CERS6: variants seen among roughly 807,000 people sequenced by gnomAD.
CERS6 encodes ceramide synthase 6.
CERS6 carries 26 observed loss-of-function variants against 56.8 expected under a neutral mutation model. That is an observed-to-expected ratio of 0.46 (90% CI 0.34 to 0.63). The LOEUF is 0.63. Among genes scored for constraint, CERS6 ranks in the 30% least tolerant of loss-of-function variants. The probability of loss-of-function intolerance (pLI) is 0.01; values close to 1 mark genes in which losing one functional copy is unlikely to be tolerated. For missense variants in CERS6, 415 were observed against 467.5 expected (o/e 0.89, Z 1.04); for synonymous variants, 164 against 173.3 (o/e 0.95, Z 0.42).
intron 8 of CERS6, among the ~76,000 whole-genome samples, chr2:168,755,874 G>A (rs1684402611): frequency 6.6e-6 from 1 of 152,224 alleles, no homozygotes. Flanking sequence ...AAACTTTGAA[G>A]CTAAAACAAT....
At chr2:168,610,354 A>G (rs1053061847) in intron 3 of CERS6, among the ~76,000 whole-genome samples, 1 of 152,136 alleles carries the variant, frequency 6.6e-6, no homozygotes, top group African/African-American at 2.4e-5. Context: ...AGCTTTGGAG[A>G]TTAGCTTGTC....
chr2:168,486,756 T>C (rs796871519), intron 1 of CERS6, among the ~76,000 whole-genome samples: 4 of 152,250 alleles, frequency 2.6e-5, no homozygotes, highest in African/African-American at 9.6e-5. Flanking sequence ...AGGTCAGTGC[T>C]TATACCCATG....
At chr2:168,606,869 GT>G (rs1684064724) in intron 3 of CERS6, among the ~76,000 whole-genome samples, 2 of 152,164 alleles carry the variant, frequency 1.3e-5, no homozygotes, top group African/African-American at 4.8e-5. Flanking sequence ...TTAAAAGTGT[GT>G]GGCACCTTCC....
At chr2:168,630,301 TACACACACACAC>T (rs3066962) in intron 3 of CERS6, among the ~76,000 whole-genome samples, 2 of 140,020 alleles carry the variant, frequency 1.4e-5, no homozygotes, top group African/African-American at 5.5e-5. Flanking sequence ...GTAATAAGTA[TACACACACACAC>T]ACACACACAC....
At chr2:168,466,925 C>G (rs746647917) in intron 1 of CERS6, among the ~76,000 whole-genome samples, 1 of 152,182 alleles carries the variant, frequency 6.6e-6, no homozygotes, top group Non-Finnish European at 1.5e-5. Flanking sequence ...GTTTGTAACT[C>G]GCCATTGTCT....
At chr2:168,748,634 G>C (rs1302471968) in intron 8 of CERS6, among the ~76,000 whole-genome samples, 1 of 152,144 alleles carries the variant, frequency 6.6e-6, no homozygotes, top group Non-Finnish European at 1.5e-5. Flanking sequence ...GTAAAGCGTT[G>C]TGTGTGCCTG....
intron 2 of CERS6, among the ~76,000 whole-genome samples, chr2:168,552,616 G>A (rs188216012): frequency 1.8e-4 from 28 of 152,238 alleles, no homozygotes; most frequent in Admixed American, 1.8e-3. Flanking sequence ...GAGTTGAGGA[G>A]ACAAAAGAAC....
intron 8 of CERS6, among the ~76,000 whole-genome samples, chr2:168,729,002 T>A (rs1683438522): frequency 7.6e-6 from 1 of 131,610 alleles, no homozygotes; most frequent in South Asian, 2.6e-4. Context: ...AGAGCGAGAC[T>A]CTGTCTCAAA....
intron 1 of CERS6, among the ~76,000 whole-genome samples, chr2:168,464,174 T>TTGTGTGTGTGTGTGTGTGTG (rs35372610): frequency 1.4e-4 from 19 of 139,792 alleles, no homozygotes; most frequent in Admixed American, 4.3e-4. Flanking sequence ...TTTATACTTT[T>TTGTGTGTGTGTGTGTGTGTG]TGTGTGTGTG....
Position 168,544,446 on chromosome 2 carries a change from C to T in CERS6, c.171-3150C>T, listed in dbSNP as rs79464619. On this transcript the variant is annotated intron_variant, in intron 1 of 9. Coordinates refer to ENST00000305747, the MANE Select transcript of CERS6 (RefSeq NM_203463.3). ...ATTAAATGAGATTGTGCACAGGGCT[C>T]TGGAGATGTGGACTTCGTTAAGGCC... Among the ~76,000 whole-genome samples the T allele has an allele frequency of 1.3e-3, 192 of 152,286 alleles. 1 individual carries two copies. In the East Asian group the frequency reaches 0.023, roughly 18 times the overall value.
rs575951489 is a variant in CERS6 at position 168,743,629 on chromosome 2, T to C, written c.846-21963T>C. 3.7e-4 allele frequency among the ~76,000 whole-genome samples: 56 copies of C among 152,366 alleles called. No individual in the cohort carries two copies. In the South Asian group the frequency reaches 3.9e-3, roughly 11 times the overall value. On this transcript the variant is annotated intron_variant, in intron 8 of 9. Transcript: ENST00000305747. ...ATAACCTTCTCTAGTGTTTTAAACA[T>C]AATAAGCCTGATGCTACATCTTAGG...
At chr2:168,691,187 A>AT in intron 5 of CERS6, 103 bp downstream of exon 5, 1 of 1,014,280 alleles carries the variant, frequency 9.9e-7, no homozygotes, top group Non-Finnish European at 1.6e-6. Context: ...AACCACCTTC[A>AT]TTTTTGGCCC....
chr2:168,738,293 T>G (rs1683777298), intron 8 of CERS6, among the ~76,000 whole-genome samples: 2 of 152,182 alleles, frequency 1.3e-5, no homozygotes, highest in Non-Finnish European at 2.9e-5. Context: ...GTGAATCAGC[T>G]TGGCTCTGCA....
Position 168,554,585 on chromosome 2 carries a change from A to C in CERS6, c.277-6607A>C, listed in dbSNP as rs114540980. Among the ~76,000 whole-genome samples, 476 of 152,308 alleles carry C rather than the reference A, an allele frequency of 3.1e-3. 1 individual carries two copies. The highest frequency in any genetic ancestry group is 0.011 in the African/African-American group (443 of 41,564). ...GAGGCCTGGTACAGATTTTTACCTCACATCCTTCAGAAGGAGCAAACCATT... is the reference window on the plus strand; with the variant it reads ...GAGGCCTGGTACAGATTTTTACCTCCCATCCTTCAGAAGGAGCAAACCATT... On this transcript the variant is annotated intron_variant, in intron 2 of 9. Transcript: ENST00000305747.
intron 9 of CERS6, among the ~76,000 whole-genome samples, chr2:168,766,131 AAAAC>A (rs929300444): frequency 1.3e-5 from 2 of 152,312 alleles, no homozygotes; most frequent in East Asian, 1.9e-4. Context: ...TTCAAACTGA[AAAAC>A]AAATCTGTTC....
At chr2:168,483,774 A>G (rs566814815) in intron 1 of CERS6, among the ~76,000 whole-genome samples, 58 of 152,316 alleles carry the variant, frequency 3.8e-4, no homozygotes, top group African/African-American at 1.4e-3. Flanking sequence ...ATGAATAACT[A>G]GGCGTATTGG....
In CERS6 at chr2:168,695,351, A is replaced by G. The variant is rs192256014; in HGVS notation, c.609+300A>G. Among the ~76,000 whole-genome samples, 161 of 152,254 alleles carry G rather than the reference A, an allele frequency of 1.1e-3. 2 individuals carry two copies. In the East Asian group the frequency reaches 0.011, roughly 11 times the overall value. ...AATTCCCAAGTTCCTCTGTTCTCCA[A>G]ATTAAATAAAAAGCAAGAATTCTAT... On this transcript the variant is annotated intron_variant, in intron 6 of 9. Coordinates refer to ENST00000305747, the MANE Select transcript of CERS6 (RefSeq NM_203463.3).
chr2:168,553,755 C>CT, intron 2 of CERS6, among the ~76,000 whole-genome samples: 1 of 152,242 alleles, frequency 6.6e-6, no homozygotes, highest in South Asian at 2.1e-4. Context: ...TATATTTAAA[C>CT]TGTAGTACTA....
chr2:168,680,171 G>A (rs1187201860), intron 4 of CERS6, among the ~76,000 whole-genome samples: 1 of 152,142 alleles, frequency 6.6e-6, no homozygotes, highest in Non-Finnish European at 1.5e-5. Flanking sequence ...AGTAGTTCCG[G>A]CAAGGAGATA....
Sources: allele counts gnomAD v4.1 joint callset (sites outside exome capture counted in the v4.1 genomes callset), GRCh38; gene constraint gnomAD v4.1.1; transcripts MANE v1.5; gene names NCBI Gene and HGNC (gene_info 2026-07-23, HGNC 2026-07-21).